The following CCSER2 variants were observed in gnomAD, a reference collection of about 807,000 sequenced individuals.
The protein encoded by CCSER2 is serine-rich coiled-coil domain-containing protein 2.
CCSER2 carries 46 observed loss-of-function variants against 92.3 expected under a neutral mutation model. The observed-to-expected ratio is 0.50, with a 90% CI of 0.39 to 0.64. The LOEUF is 0.64. CCSER2 is among the 30% of genes least tolerant of loss of function. CCSER2 has a pLI of 0.00. For missense variants in CCSER2, 1,244 were observed against 1,238.9 expected, an observed-to-expected ratio of 1.00 and a Z score of -0.06; for synonymous variants, 433 against 431.4, an observed-to-expected ratio of 1.00 and a Z score of -0.04.
intron 9 of CCSER2, among the ~76,000 whole-genome samples, chr10:84,483,932 A>C (rs1306292360): frequency 3.0e-5 from 4 of 132,416 alleles, no homozygotes; most frequent in African/African-American, 1.1e-4. Context: ...CCACAGGTGC[A>C]TCCCACCACA....
intron 1 of CCSER2, among the ~76,000 whole-genome samples, chr10:84,355,688 G>A (rs1845130137): frequency 1.3e-5 from 2 of 152,342 alleles, no homozygotes; most frequent in Admixed American, 1.3e-4. Flanking sequence ...CTAAATGAAT[G>A]TATTTTAAGT....
chr10:84,385,111 A>G (rs997983723), intron 3 of CCSER2, among the ~76,000 whole-genome samples: 7 of 152,174 alleles, frequency 4.6e-5, no homozygotes, highest in African/African-American at 1.7e-4. Flanking sequence ...GAAATCATAA[A>G]TGATACAAAC....
chr10:84,347,372 C>T (rs746810175), intron 1 of CCSER2, among the ~76,000 whole-genome samples: 1 of 150,532 alleles, frequency 6.6e-6, no homozygotes, highest in African/African-American at 2.4e-5. Context: ...GGTGCCCCCC[C>T]ACCTCCCGGA....
chr10:84,492,519 T>C (rs951620062), intron 9 of CCSER2, among the ~76,000 whole-genome samples: 1 of 152,190 alleles, frequency 6.6e-6, no homozygotes. Context: ...ATAAGAATTA[T>C]GAGAATGGGC....
intron 3 of CCSER2, among the ~76,000 whole-genome samples, chr10:84,402,492 A>G (rs1206808097): frequency 6.6e-6 from 1 of 152,240 alleles, no homozygotes; most frequent in East Asian, 1.9e-4. Context: ...AAATGGGCTT[A>G]TCCTAGGAAT....
intron 9 of CCSER2, among the ~76,000 whole-genome samples, chr10:84,498,463 A>G (rs993786971): frequency 4.6e-5 from 7 of 152,080 alleles, no homozygotes; most frequent in African/African-American, 7.2e-5. Context: ...CCCTTCATCA[A>G]CATAGAAAAT....
At chr10:84,406,406 C>T (rs764631648) in intron 3 of CCSER2, among the ~76,000 whole-genome samples, 1 of 152,132 alleles carries the variant, frequency 6.6e-6, no homozygotes, top group Non-Finnish European at 1.5e-5. Flanking sequence ...ATTAATTTTA[C>T]AGTGTAATTA....
At chr10:84,467,592 T>C (rs1846525189) in intron 7 of CCSER2, among the ~76,000 whole-genome samples, 2 of 152,196 alleles carry the variant, frequency 1.3e-5, no homozygotes, top group Admixed American at 1.3e-4. Flanking sequence ...TTTGACATAC[T>C]GAACTGAAGA....
rs749846617 is a variant in CCSER2 at position 84,513,537 on chromosome 10, G to A, written c.2414G>A (p.Arg805His). The change falls in exon 10 of 10, where the codon CGC becomes CAC. Residue 805 changes from arginine (R) to histidine (H), a missense_variant. Coordinates refer to ENST00000372088, the MANE Select transcript of CCSER2 (RefSeq NM_001284240.2). ...ATAAAGCCACAACGTATCGAGGCCC[G>A]CAGTGAATGCTCAATCCAAGACATG... The part of the protein sequence containing the change: ...KLIKPQRIEA[R>H]SECSIQDMHQ... 200 of 1,614,010 alleles carry A rather than the reference G, an allele frequency of 1.2e-4. No individual in the cohort carries two copies. The South Asian group carries it at 1.8e-3, about 15-fold the overall frequency.
At chr10:84,435,268 A>G (rs1244559578) in intron 5 of CCSER2, among the ~76,000 whole-genome samples, 4 of 152,202 alleles carry the variant, frequency 2.6e-5, no homozygotes, top group Non-Finnish European at 4.4e-5. Context: ...AGAGGTGGCT[A>G]TTGTGGCTTT....
chr10:84,496,254 C>T (rs770045562), intron 9 of CCSER2, among the ~76,000 whole-genome samples: 15 of 152,104 alleles, frequency 9.9e-5, no homozygotes, highest in Non-Finnish European at 1.9e-4. Flanking sequence ...CACAGCCATA[C>T]AAGGGTGGAG....
chr10:84,345,252 G>A (rs75511934), intron 1 of CCSER2, among the ~76,000 whole-genome samples: 1 of 152,170 alleles, frequency 6.6e-6, no homozygotes. Context: ...AAATTATCAC[G>A]TGCATTATAT....
chr10:84,464,374 A>G (rs1182151565), intron 7 of CCSER2, among the ~76,000 whole-genome samples: 1 of 152,162 alleles, frequency 6.6e-6, no homozygotes, highest in Non-Finnish European at 1.5e-5. Flanking sequence ...TGAAAATGAG[A>G]TTAATTTCTT....
intron 6 of CCSER2, among the ~76,000 whole-genome samples, chr10:84,449,523 A>G (rs2133576171): frequency 6.6e-6 from 1 of 152,274 alleles, no homozygotes; most frequent in East Asian, 1.9e-4. Flanking sequence ...TTACTTCAGG[A>G]CTGTTGTGAA....
At chr10:84,376,525 TTGTC>T (rs1846346461) in intron 3 of CCSER2, among the ~76,000 whole-genome samples, 1 of 152,140 alleles carries the variant, frequency 6.6e-6, no homozygotes, top group South Asian at 2.1e-4. Context: ...TATTATGTAT[TTGTC>T]AGTTGTAGTT....
Position 84,454,721 on chromosome 10 carries a change from C to A in CCSER2, c.2065-9212C>A, listed in dbSNP as rs555319873. Reference sequence around the variant, plus strand: ...TTGATGTGCTTCTCTCTTGATTACACCCAGGCTCTATTAATGGTTTGGTTC... The same window carrying A: ...TTGATGTGCTTCTCTCTTGATTACAACCAGGCTCTATTAATGGTTTGGTTC... On this transcript the variant is annotated intron_variant, in intron 6 of 9. Transcript: ENST00000372088. 5.8e-5 allele frequency: 10 copies of A among 173,180 alleles called. No homozygotes were observed. The South Asian group carries it at 1.4e-3, about 25-fold the overall frequency. 10.7% of individuals were successfully genotyped at this position (173,180 alleles called of 1,614,324 possible).
chr10:84,385,389 G>T (rs1841144918), intron 3 of CCSER2, among the ~76,000 whole-genome samples: 1 of 152,064 alleles, frequency 6.6e-6, no homozygotes, highest in African/African-American at 2.4e-5. Flanking sequence ...AAACAGCATG[G>T]TACTGATATA....
chr10:84,463,827 A>G, intron 6 of CCSER2, 106 bp from the exon 7 acceptor site: 1 of 687,294 alleles, frequency 1.5e-6, no homozygotes, highest in Non-Finnish European at 2.5e-6. Context: ...CCATGCTAGC[A>G]TTTGGTCTTC....
intron 9 of CCSER2, among the ~76,000 whole-genome samples, chr10:84,479,900 G>A (rs1485820180): frequency 6.6e-6 from 1 of 152,056 alleles, no homozygotes. Context: ...GGGAAGGGAG[G>A]ACAGAGGCTT....
Sources: allele counts gnomAD v4.1 joint callset (sites outside exome capture counted in the v4.1 genomes callset), GRCh38; gene constraint gnomAD v4.1.1; transcripts MANE v1.5; gene names NCBI Gene and HGNC (gene_info 2026-07-23, HGNC 2026-07-21).